Variants in CSTPP1 observed in about 807,000 individuals in gnomAD.
CSTPP1 encodes the protein centriolar satellite-associated tubulin polyglutamylase complex regulator 1, also known as UPF0705 protein C11orf49.
the CSTPP1 span, among the ~76,000 whole-genome samples, chr11:47,029,615 CAAAA>C: frequency 7.7e-6 from 1 of 129,646 alleles, no homozygotes; most frequent in Non-Finnish European, 1.7e-5. Context: ...GACTCTATCT[CAAAA>C]AAAAAAAAAA....
At chr11:47,015,988 T>C in the CSTPP1 span, among the ~76,000 whole-genome samples, 18 of 152,082 alleles carry the variant, frequency 1.2e-4, no homozygotes, top group Non-Finnish European at 2.6e-4. Flanking sequence ...ATGCTGTCTC[T>C]CACCTGTAAT....
the CSTPP1 span, among the ~76,000 whole-genome samples, chr11:46,994,263 C>T: frequency 1.3e-5 from 2 of 152,100 alleles, no homozygotes; most frequent in African/African-American, 4.8e-5. Flanking sequence ...ATTGAATACC[C>T]TTTATTTCCT....
the CSTPP1 span, among the ~76,000 whole-genome samples, chr11:47,037,392 AT>A: frequency 0.46 from 53,281 of 116,640 alleles, 18,595 homozygotes; most frequent in African/African-American, 0.64. Flanking sequence ...TATTATTATT[AT>A]TTTTTTTTTT....
At chr11:47,041,102 G>C in the CSTPP1 span, 1 of 187,788 alleles carries the variant, frequency 5.3e-6, no homozygotes, top group Non-Finnish European at 1.2e-5. Flanking sequence ...TGCACCTCAT[G>C]GGGAAACAGT....
At chr11:47,071,336 A>C in the CSTPP1 span, among the ~76,000 whole-genome samples, 1 of 152,152 alleles carries the variant, frequency 6.6e-6, no homozygotes, top group East Asian at 1.9e-4. Flanking sequence ...TTTATTGGAT[A>C]TGGCTGTGTG....
At chr11:47,018,539 T>G in the CSTPP1 span, among the ~76,000 whole-genome samples, 1 of 151,972 alleles carries the variant, frequency 6.6e-6, no homozygotes, top group Non-Finnish European at 1.5e-5. Flanking sequence ...GTGATCCACC[T>G]GCCTCTGCCT....
At chr11:47,161,412 C>T in the CSTPP1 span, 6 of 1,606,178 alleles carry the variant, frequency 3.7e-6, no homozygotes, top group Non-Finnish European at 4.2e-6. Flanking sequence ...GGAGGCCCTG[C>T]TCTCTGTACA....
chr11:46,996,640 G>A, the CSTPP1 span, among the ~76,000 whole-genome samples: 3 of 152,144 alleles, frequency 2.0e-5, no homozygotes, highest in Non-Finnish European at 2.9e-5. Context: ...CTCTTTAGTT[G>A]ATGCAGTTTC....
chr11:47,111,014 C>T, the CSTPP1 span, among the ~76,000 whole-genome samples: 2 of 151,800 alleles, frequency 1.3e-5, no homozygotes, highest in Non-Finnish European at 2.9e-5. Flanking sequence ...CTCAGCCTCC[C>T]GAGTAGCTGG....
the CSTPP1 span, among the ~76,000 whole-genome samples, chr11:47,066,101 T>TGG: frequency 3.0e-5 from 4 of 133,902 alleles, no homozygotes; most frequent in Non-Finnish European, 4.7e-5. Context: ...GGGTTTTTTT[T>TGG]TTTTTTTTTT....
the CSTPP1 span, among the ~76,000 whole-genome samples, chr11:46,955,989 C>G: frequency 1.9e-4 from 18 of 96,748 alleles, no homozygotes; most frequent in Admixed American, 1.0e-3. Context: ...TCCATCCACC[C>G]CCCCCCCCCC....
chr11:47,076,565 G>C, the CSTPP1 span, among the ~76,000 whole-genome samples: 8 of 152,136 alleles, frequency 5.3e-5, no homozygotes. Flanking sequence ...TAGAGGCCAG[G>C]CATGGTGGCT....
the CSTPP1 span, among the ~76,000 whole-genome samples, chr11:47,040,049 G>A: frequency 7.8e-6 from 1 of 128,398 alleles, no homozygotes; most frequent in Non-Finnish European, 1.9e-5. Context: ...CCATTACAAA[G>A]GCTAACTTTA....
chr11:47,135,308 G>C, the CSTPP1 span, among the ~76,000 whole-genome samples: 1 of 152,100 alleles, frequency 6.6e-6, no homozygotes, highest in Non-Finnish European at 1.5e-5. Flanking sequence ...ACCCTGAGAA[G>C]TGTCAGTGTC....
chr11:47,086,377 G>A, the CSTPP1 span, among the ~76,000 whole-genome samples: 1 of 151,902 alleles, frequency 6.6e-6, no homozygotes, highest in Non-Finnish European at 1.5e-5. Flanking sequence ...CTGCACTCCA[G>A]CCTGTGTGAT....
chr11:47,138,059 A>G, the CSTPP1 span: 1 of 324,078 alleles, frequency 3.1e-6, no homozygotes, highest in Non-Finnish European at 5.6e-6. Flanking sequence ...GAGGGGCTGC[A>G]TTTGTGTGTT....
At chr11:47,051,644 T>C in the CSTPP1 span, among the ~76,000 whole-genome samples, 1 of 152,076 alleles carries the variant, frequency 6.6e-6, no homozygotes, top group Non-Finnish European at 1.5e-5. Flanking sequence ...GTCATCCTTA[T>C]GGCAGCTGGT....
chr11:47,029,814 A>T, the CSTPP1 span, among the ~76,000 whole-genome samples: 1 of 151,308 alleles, frequency 6.6e-6, no homozygotes, highest in African/African-American at 2.4e-5. Flanking sequence ...GAAAAAAAAA[A>T]AGGCTGGGCA....
chr11:46,985,139 G>A, the CSTPP1 span, among the ~76,000 whole-genome samples: 21 of 152,098 alleles, frequency 1.4e-4, no homozygotes, highest in African/African-American at 5.1e-4. Context: ...ATAGTTGTTA[G>A]TTTTGGGAAG....
Sources: gnomAD v4.1 joint callset for allele counts (sites outside exome capture counted in the v4.1 genomes callset) on GRCh38, gnomAD v4.1.1 for gene constraint, MANE v1.5 for transcripts, NCBI Gene and HGNC (gene_info 2026-07-23, HGNC 2026-07-21) for gene names.